The following LRRIQ1 variants were observed in gnomAD, a reference collection of about 807,000 sequenced individuals.
LRRIQ1 encodes leucine-rich repeat- and IQ domain-containing protein 1.
Under a neutral mutation model 211.9 loss-of-function variants are expected in LRRIQ1, and 210 were observed. The ratio of observed to expected loss-of-function variants is 0.99; its 90% CI spans 0.89 to 1.11. The LOEUF is 1.11. Ranked by LOEUF, LRRIQ1 falls within the 50% of genes most tolerant of loss-of-function variation. The probability of loss-of-function intolerance (pLI) is 0.00; values close to 1 mark genes in which losing one functional copy is unlikely to be tolerated. For missense variants in LRRIQ1, 2,136 were observed against 1,939.5 expected (o/e 1.10, Z -1.90); for synonymous variants, 699 against 650.1 (o/e 1.08, Z -1.14).
At chr12:85,209,492 T>A (rs547741825) in intron 24 of LRRIQ1, among the ~76,000 whole-genome samples, 2 of 152,340 alleles carry the variant, frequency 1.3e-5, no homozygotes, top group East Asian at 3.9e-4. Flanking sequence ...AAGATATTTG[T>A]GTGGGGACAC....
intron 24 of LRRIQ1, among the ~76,000 whole-genome samples, chr12:85,201,113 G>C (rs1051389995): frequency 6.6e-6 from 1 of 152,032 alleles, no homozygotes; most frequent in Admixed American, 6.6e-5. Flanking sequence ...TTACAGTCAT[G>C]AGCCACCACG....
chr12:85,109,716 G>C (rs972980424), intron 15 of LRRIQ1, among the ~76,000 whole-genome samples: 1 of 152,102 alleles, frequency 6.6e-6, no homozygotes, highest in African/African-American at 2.4e-5. Flanking sequence ...TCAGTAATCT[G>C]TACTTTAAGA....
At chr12:85,183,459 C>T (rs939962415) in intron 24 of LRRIQ1, among the ~76,000 whole-genome samples, 4 of 152,026 alleles carry the variant, frequency 2.6e-5, no homozygotes, top group Non-Finnish European at 4.4e-5. Flanking sequence ...ACTAGCTCAA[C>T]TCAGATATTT....
intron 15 of LRRIQ1, among the ~76,000 whole-genome samples, chr12:85,117,323 C>G (rs1348101819): frequency 1.3e-5 from 2 of 152,164 alleles, no homozygotes. Flanking sequence ...TGCACTACCA[C>G]TGTGGATCCA....
intron 6 of LRRIQ1, among the ~76,000 whole-genome samples, chr12:85,050,357 C>T (rs140757020): frequency 1.3e-3 from 204 of 152,146 alleles, no homozygotes; most frequent in Admixed American, 1.8e-3. Context: ...AACAAATGAC[C>T]GTTGATAACC....
chr12:85,106,638 C>T (rs1368773848), intron 15 of LRRIQ1, 23 bp downstream of exon 15: 24 of 1,437,626 alleles, frequency 1.7e-5, no homozygotes, highest in Non-Finnish European at 1.9e-5. Flanking sequence ...TGTTGCACCC[C>T]ATGTATATCC....
chr12:85,086,663 T>C (rs1470221361), intron 11 of LRRIQ1, among the ~76,000 whole-genome samples: 1 of 151,982 alleles, frequency 6.6e-6, no homozygotes, highest in Non-Finnish European at 1.5e-5. Flanking sequence ...GAGGTTGTGA[T>C]TATAAATAAC....
exon 2 of LRRIQ1, chr12:85,264,234 G>C (rs948109746): frequency 1.3e-5 from 2 of 151,988 alleles, no homozygotes; most frequent in Non-Finnish European, 1.5e-5. Context: ...TGAGACTTCA[G>C]CTGTCAATCA....
chr12:85,262,972 A>T (rs1022767684), exon 2 of LRRIQ1: 64 of 987,126 alleles, frequency 6.5e-5, no homozygotes, highest in Non-Finnish European at 7.5e-5. Context: ...AGACCTTCTA[A>T]AAAAGAACGT....
rs377651960 is a variant in LRRIQ1, at chr12:85,244,858, G to A, written c.5086G>A (p.Val1696Met). 15 of 1,603,030 alleles carry A rather than the reference G, an allele frequency of 9.4e-6. No homozygotes were observed. The highest frequency in any genetic ancestry group is 1.3e-5 in the Non-Finnish European group (15 of 1,173,490). Reference sequence around the variant, plus strand: ...CATGACCAATGGAAGTGCTTTGTCTGTGAACAGAGAAAAAAAAAATCAGGC... The same window carrying A: ...CATGACCAATGGAAGTGCTTTGTCTATGAACAGAGAAAAAAAAAATCAGGC... ...FSMTNGSALS[V>M]NREKKNQAHR... The change falls in exon 27 of 27, where the codon GTG becomes ATG. Residue 1696 changes from valine (V) to methionine (M), a missense_variant. By Grantham distance (21) the Val-to-Met change is conservative. Coordinates refer to ENST00000393217, the MANE Select transcript of LRRIQ1 (RefSeq NM_001079910.2).
At chr12:85,096,929 T>G (rs1885930146) in intron 11 of LRRIQ1, among the ~76,000 whole-genome samples, 1 of 152,206 alleles carries the variant, frequency 6.6e-6, no homozygotes, top group Non-Finnish European at 1.5e-5. Context: ...TTTGTCCTTT[T>G]GAACTGTTGT....
Position 85,055,738 on chromosome 12 carries a change from A to C in LRRIQ1, c.945A>C (p.Lys315Asn). The change falls in exon 8 of 27, where the codon AAA becomes AAC. Residue 315 changes from lysine to asparagine, a missense_variant. Lys to Asn is a moderately conservative substitution (Grantham distance 94). Transcript: ENST00000393217. ...PIIKEQIESK[K>N]RKAQEWKEKE... ...TTAAAGAGCAAATTGAAAGTAAGAA[A>C]AGGAAAGCACAAGAGTGGAAGGAAA... is the stretch of plus-strand genomic sequence containing the variant. 1 of 1,607,800 alleles carries C rather than the reference A, an allele frequency of 6.2e-7. No homozygotes were observed. Among genetic ancestry groups the C allele is most frequent in the Non-Finnish European group, 8.5e-7 (1 of 1,178,072 alleles).
intron 6 of LRRIQ1, 106 bp downstream of exon 6, chr12:85,047,576 A>G: frequency 3.4e-6 from 3 of 876,836 alleles, no homozygotes; most frequent in Non-Finnish European, 5.4e-6. Flanking sequence ...ATGACTTTTA[A>G]TTACTCTCTG....
chr12:85,090,297 G>A (rs1289648553), intron 11 of LRRIQ1, among the ~76,000 whole-genome samples: 3 of 152,306 alleles, frequency 2.0e-5, no homozygotes, highest in Non-Finnish European at 4.4e-5. Flanking sequence ...GGAAATGTGT[G>A]ATTGGAGGCC....
At position 85,200,413 on chromosome 12, in the gene LRRIQ1, A is replaced by G. The variant is rs1313741626; in HGVS notation, c.4823-29104A>G. Among the ~76,000 whole-genome samples, 6 of 152,174 alleles carry G rather than the reference A, an allele frequency of 3.9e-5. No homozygotes were observed. The East Asian group carries it at 1.2e-3, about 29-fold the overall frequency. On this transcript the variant is annotated intron_variant, in intron 24 of 26. Transcript: ENST00000393217. Reference sequence around the variant, plus strand: ...AGCTATGAAATCTGCAAATAGAGATAGTCTGACAAATCTCTTCCTATTTTG... The same window carrying G: ...AGCTATGAAATCTGCAAATAGAGATGGTCTGACAAATCTCTTCCTATTTTG...
chr12:85,066,562 A>T (rs1349020049), intron 9 of LRRIQ1, among the ~76,000 whole-genome samples, 186 bp from the exon 10 acceptor site: 3 of 151,524 alleles, frequency 2.0e-5, no homozygotes, highest in Non-Finnish European at 4.4e-5. Flanking sequence ...AAAATTAATT[A>T]TTTATTAGTT....
chr12:85,223,913 G>T (rs958784384), intron 24 of LRRIQ1, among the ~76,000 whole-genome samples: 1 of 147,646 alleles, frequency 6.8e-6, no homozygotes, highest in Non-Finnish European at 1.5e-5. Context: ...ACCATAATTA[G>T]ACAGTATTGT....
intron 19 of LRRIQ1, among the ~76,000 whole-genome samples, chr12:85,148,159 C>CT (rs1001024105): frequency 1.7e-3 from 252 of 149,036 alleles, no homozygotes; most frequent in Non-Finnish European, 2.7e-3. Flanking sequence ...AGAAGGCTTT[C>CT]TTTTTTTTTT....
intron 13 of LRRIQ1, 140 bp downstream of exon 13, chr12:85,099,134 AAAT>A: frequency 4.6e-6 from 2 of 437,860 alleles, no homozygotes; most frequent in Non-Finnish European, 3.6e-6. Context: ...TAAATTATAA[AAAT>A]AACATTATAG....
Sources: gnomAD v4.1 joint callset for allele counts (sites outside exome capture counted in the v4.1 genomes callset) on GRCh38, gnomAD v4.1.1 for gene constraint, MANE v1.5 for transcripts, NCBI Gene and HGNC (gene_info 2026-07-23, HGNC 2026-07-21) for gene names.